RFX4: variants seen among roughly 807,000 people sequenced by gnomAD.
RFX4 encodes regulatory factor X4.
A neutral mutation model predicts 95.0 loss-of-function variants in RFX4; 10 were observed. The observed-to-expected ratio is 0.11, with a 90% CI of 0.06 to 0.18. The LOEUF (loss-of-function observed/expected upper bound fraction) is 0.18, where lower values mean the gene tolerates loss of function less well. Among genes scored for constraint, RFX4 ranks in the 10% least tolerant of loss-of-function variants. RFX4 has a pLI of 1.00. For missense variants in RFX4, 640 were observed against 922.0 expected, an observed-to-expected ratio of 0.69 and a Z score of 3.96; for synonymous variants, 321 against 340.7, an observed-to-expected ratio of 0.94 and a Z score of 0.64.
At chr12:106,604,914 G>A (rs1429196383) in intron 1 of RFX4, among the ~76,000 whole-genome samples, 1 of 152,228 alleles carries the variant, frequency 6.6e-6, no homozygotes, top group Non-Finnish European at 1.5e-5. Flanking sequence ...AGAAAAAGGA[G>A]AAAGCTCAGT....
At chr12:106,593,458 G>T (rs2374624) in intron 1 of RFX4, among the ~76,000 whole-genome samples, 1 of 152,116 alleles carries the variant, frequency 6.6e-6, no homozygotes, top group Non-Finnish European at 1.5e-5. Flanking sequence ...TCAGTCAATG[G>T]AAGCAAACTA....
chr12:106,638,011 C>T (rs1161096782), intron 2 of RFX4, among the ~76,000 whole-genome samples: 1 of 151,198 alleles, frequency 6.6e-6, no homozygotes, highest in African/African-American at 2.4e-5. Flanking sequence ...ATTACTATTA[C>T]ACTGGATTTT....
chr12:106,682,247 C>T lies in RFX4; in HGVS notation c.377+193C>T, dbSNP rs973722691. The T allele has an allele frequency of 1.2e-5, 7 of 586,704 alleles. No individual in the cohort carries two copies. The Admixed American group carries it at 2.1e-4, about 18-fold the overall frequency. The allele number at this position is 586,704 out of a possible 1,614,324, so 36.3% of individuals were successfully genotyped here. A position where few individuals can be genotyped will look rare whatever the true frequency, so the allele number is the denominator to read the frequency against. The stretch of plus-strand genomic sequence containing the variant: ...TCCTGAAAGAGAGGTTGTCCAAAAG[C>T]CCAAGACGAGTTGGCTCTGCTGCTT... On this transcript the variant is annotated intron_variant, in intron 5 of 17. Coordinates refer to ENST00000392842, the MANE Select transcript of RFX4 (RefSeq NM_213594.3).
chr12:106,598,457 GC>G (rs1226241337), intron 1 of RFX4, among the ~76,000 whole-genome samples: 2 of 152,126 alleles, frequency 1.3e-5, no homozygotes, highest in Non-Finnish European at 2.9e-5. Flanking sequence ...TATGAGACTT[GC>G]GACCAACACA....
chr12:106,672,778 A>G (rs934858390), intron 4 of RFX4, among the ~76,000 whole-genome samples: 4 of 151,666 alleles, frequency 2.6e-5, no homozygotes, highest in Admixed American at 6.6e-5. Context: ...AAAAAAAAAA[A>G]AAGCCAAACC....
intron 4 of RFX4, among the ~76,000 whole-genome samples, chr12:106,678,668 C>T (rs977115789): frequency 3.3e-5 from 5 of 152,156 alleles, no homozygotes; most frequent in Non-Finnish European, 7.4e-5. Flanking sequence ...AATGCCCTAA[C>T]GAATATCCAT....
chr12:106,685,188 G>C (rs560107435), intron 5 of RFX4, among the ~76,000 whole-genome samples: 1 of 152,230 alleles, frequency 6.6e-6, no homozygotes, highest in Admixed American at 6.5e-5. Context: ...CAGGGCCCAG[G>C]AGTCTCTATT....
At chr12:106,718,412 C>T (rs1213865105) in intron 11 of RFX4, among the ~76,000 whole-genome samples, 1 of 152,202 alleles carries the variant, frequency 6.6e-6, no homozygotes, top group African/African-American at 2.4e-5. Context: ...ATCTTGTCTC[C>T]GCAATTCACT....
At chr12:106,733,375 G>C (rs1228759438) in intron 15 of RFX4, 1 of 280,054 alleles carries the variant, frequency 3.6e-6, no homozygotes, top group African/African-American at 2.1e-5. Flanking sequence ...ATCTCCAAAA[G>C]ATAATGCCAA....
chr12:106,685,563 TC>T (rs1185097213), intron 5 of RFX4, among the ~76,000 whole-genome samples: 1 of 151,868 alleles, frequency 6.6e-6, no homozygotes, highest in Non-Finnish European at 1.5e-5. Context: ...CAGTGCTGAT[TC>T]CTGGGCCCCA....
At chr12:106,648,665 T>C (rs2040800844) in intron 3 of RFX4, among the ~76,000 whole-genome samples, 1 of 145,360 alleles carries the variant, frequency 6.9e-6, no homozygotes, top group Admixed American at 6.9e-5. Context: ...AATGAAAAAG[T>C]TTCTGTTCTT....
intron 2 of RFX4, among the ~76,000 whole-genome samples, chr12:106,623,241 T>C (rs1171145499): frequency 6.6e-6 from 1 of 151,372 alleles, no homozygotes; most frequent in Non-Finnish European, 1.5e-5. Context: ...GGTTTCACGG[T>C]GGTCTCAATC....
At chr12:106,634,046 G>A (rs1211948321) in intron 2 of RFX4, among the ~76,000 whole-genome samples, 1 of 152,000 alleles carries the variant, frequency 6.6e-6, no homozygotes, top group African/African-American at 2.4e-5. Flanking sequence ...ATGTGCTTGT[G>A]TGTGAAAGAA....
chr12:106,733,187 A>G (rs958647431), intron 15 of RFX4, 102 bp downstream of exon 15: 10 of 1,291,148 alleles, frequency 7.7e-6, no homozygotes, highest in Non-Finnish European at 1.1e-5. Flanking sequence ...ACACACACAA[A>G]AAGCCAGACA....
At chr12:106,671,465 C>T (rs530423007) in intron 4 of RFX4, among the ~76,000 whole-genome samples, 4 of 151,934 alleles carry the variant, frequency 2.6e-5, no homozygotes, top group South Asian at 4.2e-4. Flanking sequence ...GAGAGGACAC[C>T]GTGCTGGCTC....
chr12:106,647,172 C>T (rs1413047598), intron 3 of RFX4, among the ~76,000 whole-genome samples: 4 of 152,126 alleles, frequency 2.6e-5, no homozygotes, highest in African/African-American at 9.7e-5. Context: ...TTGTTCATGG[C>T]TGTATTCTAC....
chr12:106,706,766 T>G (rs1417622142), intron 8 of RFX4, among the ~76,000 whole-genome samples: 1 of 152,220 alleles, frequency 6.6e-6, no homozygotes, highest in East Asian at 1.9e-4. Flanking sequence ...AGGACAATGT[T>G]ATATCTTTCA....
intron 4 of RFX4, among the ~76,000 whole-genome samples, chr12:106,657,743 C>T (rs2040988358): frequency 6.6e-6 from 1 of 152,134 alleles, no homozygotes; most frequent in Non-Finnish European, 1.5e-5. Context: ...TTGAAACTGT[C>T]AAGTGCTCTA....
chr12:106,620,717 A>G (rs2040167018), intron 2 of RFX4, among the ~76,000 whole-genome samples: 1 of 152,096 alleles, frequency 6.6e-6, no homozygotes, highest in African/African-American at 2.4e-5. Context: ...CAAATTTACC[A>G]GGGTGGAGTT....
Sources: allele counts gnomAD v4.1 joint callset (sites outside exome capture counted in the v4.1 genomes callset), GRCh38; gene constraint gnomAD v4.1.1; transcripts MANE v1.5; gene names NCBI Gene and HGNC (gene_info 2026-07-23, HGNC 2026-07-21).